GRIN2A: variants seen among roughly 807,000 people sequenced by gnomAD.
GRIN2A encodes the protein glutamate receptor ionotropic, NMDA 2A.
GRIN2A carries 22 observed loss-of-function variants against 113.4 expected under a neutral mutation model. The ratio of observed to expected loss-of-function variants is 0.19; its 90% confidence interval spans 0.14 to 0.28. GRIN2A has a LOEUF of 0.28. GRIN2A is among the 10% of genes least tolerant of loss of function. GRIN2A has a pLI of 1.00. For synonymous variants in GRIN2A, 827 were observed against 738.4 expected (o/e 1.12, Z -1.94); for missense variants, 1,502 against 1,887.0 (o/e 0.80, Z 3.78).
chr16:9,959,236 C>G (rs1287697384), intron 2 of GRIN2A, among the ~76,000 whole-genome samples: 8 of 152,170 alleles, frequency 5.3e-5, no homozygotes, highest in African/African-American at 1.9e-4. Flanking sequence ...TGATTCACAG[C>G]CCTCTTGAAA....
chr16:9,917,204 G>A (rs1263221820), intron 3 of GRIN2A, among the ~76,000 whole-genome samples: 4 of 152,072 alleles, frequency 2.6e-5, no homozygotes, highest in East Asian at 1.9e-4. Flanking sequence ...CATCCTTCAC[G>A]TTTTCCATCT....
rs953400144 is a variant in GRIN2A at position 9,938,080 on chromosome 16, T to C, written c.886A>G (p.Ile296Val). 1 of 1,614,024 alleles carries C rather than the reference T, an allele frequency of 6.2e-7. No individual in the cohort carries two copies. ...GATGCAGCGGTGGTTAGGATGCCAA[T>C]GCCGTCCCTCACTCTCGCCTCCAGG... is the stretch of plus-strand genomic sequence containing the variant. ...YSLEARVRDGIGILTTAASSM... is the reference protein window; with the variant it reads ...YSLEARVRDGVGILTTAASSM... The change falls in exon 3 of 13, where the codon ATT becomes GTT. Residue 296 changes from isoleucine to valine, a missense_variant. By Grantham distance (29) the Ile-to-Val change is conservative. Coordinates refer to ENST00000330684, the MANE Select transcript of GRIN2A (RefSeq NM_001134407.3).
rs923914746 is a variant in GRIN2A, at chr16:9,759,675, C to G, written c.*3474G>C. ...AAATCAAGAGTAATCCGTGGATGCC[C>G]AGTCATGGTGCTGGCTAAAATAACG... is the stretch of plus-strand genomic sequence containing the variant. On this transcript the variant is annotated 3_prime_UTR_variant, in exon 13 of 13. Coordinates refer to ENST00000330684, the MANE Select transcript of GRIN2A (RefSeq NM_001134407.3). 2 of 229,918 alleles carry G rather than the reference C, an allele frequency of 8.7e-6. No homozygotes were observed. Among genetic ancestry groups the G allele is most frequent in the African/African-American group, 4.4e-5 (2 of 45,170 alleles). 14.2% of individuals were successfully genotyped at this position (229,918 alleles called of 1,614,324 possible).
chr16:10,012,089 C>T (rs1218308591), intron 2 of GRIN2A, among the ~76,000 whole-genome samples: 2 of 152,208 alleles, frequency 1.3e-5, no homozygotes, highest in Admixed American at 1.3e-4. Flanking sequence ...AGCTACAGCA[C>T]ATTCAAGGTC....
At chr16:10,035,133 C>G (rs2047001283) in intron 2 of GRIN2A, among the ~76,000 whole-genome samples, 2 of 152,144 alleles carry the variant, frequency 1.3e-5, no homozygotes, top group African/African-American at 2.4e-5. Context: ...TCCAGTGAAC[C>G]TCCTGCCTCA....
intron 2 of GRIN2A, among the ~76,000 whole-genome samples, chr16:10,135,282 C>G (rs575828696): frequency 3.2e-4 from 48 of 152,246 alleles, no homozygotes; most frequent in African/African-American, 1.1e-3. Context: ...CGTAGGTAGC[C>G]CTCCCTGGTA....
chr16:9,828,996 T>A (rs2141310830), intron 9 of GRIN2A, among the ~76,000 whole-genome samples: 1 of 152,274 alleles, frequency 6.6e-6, no homozygotes, highest in African/African-American at 2.4e-5. Flanking sequence ...AAAGATGACT[T>A]TTTTTCAGGT....
chr16:9,811,497 G>A (rs778766672), intron 10 of GRIN2A, among the ~76,000 whole-genome samples: 69 of 152,176 alleles, frequency 4.5e-4, no homozygotes, highest in Non-Finnish European at 8.5e-4. Context: ...GGTGGCTCAT[G>A]CCTGTAATTC....
At chr16:10,155,032 G>A (rs2049660475) in intron 2 of GRIN2A, among the ~76,000 whole-genome samples, 1 of 152,184 alleles carries the variant, frequency 6.6e-6, no homozygotes, top group African/African-American at 2.4e-5. Context: ...TCAGAGCTTT[G>A]AAGAGGCTCA....
intron 3 of GRIN2A, among the ~76,000 whole-genome samples, chr16:9,901,682 C>T (rs1275631855): frequency 6.6e-6 from 1 of 152,132 alleles, no homozygotes; most frequent in East Asian, 1.9e-4. Flanking sequence ...AACTCCTGAC[C>T]TCAAATGCTC....
intron 2 of GRIN2A, among the ~76,000 whole-genome samples, chr16:9,965,239 G>A (rs1042909476): frequency 3.9e-5 from 6 of 152,190 alleles, no homozygotes; most frequent in Admixed American, 3.9e-4. Context: ...CCAACAGCTA[G>A]AACAGATTCC....
At chr16:10,025,743 C>G (rs2046807587) in intron 2 of GRIN2A, among the ~76,000 whole-genome samples, 1 of 152,126 alleles carries the variant, frequency 6.6e-6, no homozygotes. Flanking sequence ...GTGAGCCATC[C>G]CCTGCCTCCC....
At chr16:10,036,437 C>CTTTTTT (rs1360199200) in intron 2 of GRIN2A, among the ~76,000 whole-genome samples, 9 of 92,658 alleles carry the variant, frequency 9.7e-5, no homozygotes, top group East Asian at 2.4e-4. Context: ...TTAGTACTTA[C>CTTTTTT]TTTTTTTTTT....
At chr16:10,023,242 C>T (rs76339890) in intron 2 of GRIN2A, among the ~76,000 whole-genome samples, 2,528 of 152,236 alleles carry the variant, frequency 0.017, 39 homozygotes, top group South Asian at 0.064. Context: ...AGCTAGAGAA[C>T]GAGACACTTC....
intron 2 of GRIN2A, among the ~76,000 whole-genome samples, chr16:9,992,043 T>A (rs528259864): frequency 1.3e-5 from 2 of 152,202 alleles, no homozygotes; most frequent in Admixed American, 6.5e-5. Flanking sequence ...GTTCTGCACA[T>A]GTATCCCAGA....
chr16:9,820,156 A>AG (rs1344276143), intron 10 of GRIN2A, among the ~76,000 whole-genome samples: 1 of 151,918 alleles, frequency 6.6e-6, no homozygotes, highest in Non-Finnish European at 1.5e-5. Context: ...CTATTATATT[A>AG]AAAAAAAGAT....
chr16:10,052,597 C>T (rs983771761), intron 2 of GRIN2A, among the ~76,000 whole-genome samples: 15 of 152,114 alleles, frequency 9.9e-5, no homozygotes, highest in Admixed American at 7.9e-4. Context: ...TAAGTGTGAC[C>T]AGGGCTGGCT....
chr16:10,048,856 TTCTACA>T (rs919710285), intron 2 of GRIN2A, among the ~76,000 whole-genome samples: 4 of 152,190 alleles, frequency 2.6e-5, no homozygotes, highest in African/African-American at 9.6e-5. Flanking sequence ...CCTAATGCTA[TTCTACA>T]TGGCAGCTGG....
intron 2 of GRIN2A, among the ~76,000 whole-genome samples, chr16:10,169,026 T>C (rs1176100987): frequency 1.3e-5 from 2 of 150,140 alleles, no homozygotes; most frequent in Admixed American, 6.7e-5. Context: ...ATAATTTCAC[T>C]CTTATGTCTG....
Sources: allele counts gnomAD v4.1 joint callset (sites outside exome capture counted in the v4.1 genomes callset), GRCh38; gene constraint gnomAD v4.1.1; transcripts MANE v1.5; gene names NCBI Gene and HGNC (gene_info 2026-07-23, HGNC 2026-07-21).